Variants in SORCS2 observed in about 807,000 individuals in gnomAD.
The protein encoded by SORCS2 is VPS10 domain-containing receptor SorCS2.
A neutral mutation model predicts 141.6 loss-of-function variants in SORCS2; 100 were observed. The observed-to-expected ratio is 0.71, with a 90% confidence interval of 0.60 to 0.83. SORCS2 has a LOEUF of 0.83. SORCS2 is among the 40% of genes least tolerant of loss of function. The pLI is 0.00. For missense variants in SORCS2, 1,646 were observed against 1,560.2 expected (o/e 1.05, Z -0.93); for synonymous variants, 789 against 676.9 (o/e 1.17, Z -2.57).
At chr4:7,459,859 A>G (rs1729180113) in intron 2 of SORCS2, among the ~76,000 whole-genome samples, 1 of 152,128 alleles carries the variant, frequency 6.6e-6, no homozygotes, top group Admixed American at 6.5e-5. Context: ...CACTTTGGGG[A>G]GAAGTACCCG....
chr4:7,628,810 G>A (rs1719688910), intron 3 of SORCS2, among the ~76,000 whole-genome samples: 1 of 152,210 alleles, frequency 6.6e-6, no homozygotes, highest in African/African-American at 2.4e-5. Context: ...CTAGGGCAGT[G>A]TGGATGCCTA....
Position 7,581,916 on chromosome 4 carries a change from T to A in SORCS2, c.648+50287T>A, listed in dbSNP as rs981021948. On this transcript the variant is annotated intron_variant, in intron 3 of 26. Transcript: ENST00000507866. ...TTAAATTTCTTAATATATCTCCTTC[T>A]TGTCTTTTTCTATATATCTTTATTT... 2.0e-5 allele frequency among the ~76,000 whole-genome samples: 3 copies of A among 152,246 alleles called. No homozygotes were observed. In the East Asian group the frequency reaches 5.8e-4, roughly 29 times the overall value.
At chr4:7,573,474 G>C (rs1715529005) in intron 3 of SORCS2, among the ~76,000 whole-genome samples, 1 of 152,182 alleles carries the variant, frequency 6.6e-6, no homozygotes, top group Non-Finnish European at 1.5e-5. Context: ...CATAAATAGA[G>C]TTCTATTAGT....
intron 2 of SORCS2, chr4:7,433,752 A>G (rs1245919481): frequency 6.2e-7 from 1 of 1,613,394 alleles, no homozygotes; most frequent in East Asian, 2.2e-5. Context: ...CATAGGCATC[A>G]TGGACTGCCC....
At chr4:7,481,605 G>A (rs888626393) in intron 2 of SORCS2, among the ~76,000 whole-genome samples, 7 of 152,140 alleles carry the variant, frequency 4.6e-5, no homozygotes, top group African/African-American at 1.7e-4. Context: ...GGAGTCTGCT[G>A]AGGCTCTGCC....
At chr4:7,290,602 A>AGGAGCATG (rs1489743680) in intron 1 of SORCS2, among the ~76,000 whole-genome samples, 1 of 152,242 alleles carries the variant, frequency 6.6e-6, no homozygotes, top group Non-Finnish European at 1.5e-5. Flanking sequence ...TACTCTGCAA[A>AGGAGCATG]GGAGCATGGA....
intron 3 of SORCS2, among the ~76,000 whole-genome samples, chr4:7,593,729 C>A (rs549334438): frequency 6.6e-6 from 1 of 152,164 alleles, no homozygotes; most frequent in Admixed American, 6.5e-5. Flanking sequence ...GCAGGGGTGC[C>A]GCTTGCCAGC....
At chr4:7,401,669 T>C (rs897345281) in intron 2 of SORCS2, among the ~76,000 whole-genome samples, 13 of 152,112 alleles carry the variant, frequency 8.5e-5, no homozygotes, top group African/African-American at 3.1e-4. Flanking sequence ...AGAGGGACAG[T>C]CCTATAGACC....
At chr4:7,674,627 C>T (rs973004969) in intron 8 of SORCS2, among the ~76,000 whole-genome samples, 10 of 145,570 alleles carry the variant, frequency 6.9e-5, no homozygotes, top group African/African-American at 2.5e-4. Flanking sequence ...CTTTTCTGCA[C>T]AGCCCTTGGG....
intron 3 of SORCS2, among the ~76,000 whole-genome samples, chr4:7,534,737 C>T (rs1342697691): frequency 6.6e-6 from 1 of 152,192 alleles, no homozygotes; most frequent in African/African-American, 2.4e-5. Context: ...GTTGGAAAAG[C>T]CAAGGAAATG....
intron 2 of SORCS2, among the ~76,000 whole-genome samples, chr4:7,521,610 A>T (rs543579909): frequency 1.3e-5 from 2 of 152,154 alleles, no homozygotes; most frequent in African/African-American, 4.8e-5. Flanking sequence ...CTCATCTCAC[A>T]GCACAGACCT....
intron 2 of SORCS2, among the ~76,000 whole-genome samples, chr4:7,491,491 C>T (rs778165905): frequency 6.6e-6 from 1 of 152,346 alleles, no homozygotes; most frequent in South Asian, 2.1e-4. Context: ...CACCAGCACG[C>T]GGCATGGCGT....
intron 3 of SORCS2, among the ~76,000 whole-genome samples, chr4:7,537,423 C>T (rs962857469): frequency 1.1e-4 from 16 of 152,216 alleles, no homozygotes; most frequent in African/African-American, 3.1e-4. Flanking sequence ...GCAGCTTGAA[C>T]GGGGTCTCTA....
intron 1 of SORCS2, among the ~76,000 whole-genome samples, chr4:7,355,270 T>C (rs1037895762): frequency 1.3e-5 from 2 of 152,092 alleles, no homozygotes; most frequent in African/African-American, 4.8e-5. Flanking sequence ...AACCCCTCTG[T>C]GCCCTTCCGG....
chr4:7,239,322 G>C (rs890562507), intron 1 of SORCS2, among the ~76,000 whole-genome samples: 2 of 152,244 alleles, frequency 1.3e-5, no homozygotes, highest in South Asian at 4.1e-4. Flanking sequence ...GGCTGTGGCC[G>C]GGAGGGCCCC....
rs146818752 is a variant in SORCS2, at chr4:7,540,599, C to T, written c.648+8970C>T. ...GTCCCATGGTGCCGAGATGCTTTGG[C>T]GCTGCGCTGCATCCTGCTGCGCAGT... On this transcript the variant is annotated intron_variant, in intron 3 of 26. Coordinates refer to ENST00000507866, the MANE Select transcript of SORCS2 (RefSeq NM_020777.3). Among the ~76,000 whole-genome samples the T allele has an allele frequency of 5.6e-4, 85 of 152,324 alleles. 1 individual carries two copies. The East Asian group carries it at 0.015, about 27-fold the overall frequency.
intron 1 of SORCS2, among the ~76,000 whole-genome samples, chr4:7,309,249 C>T (rs3846427): frequency 0.77 from 116,554 of 152,154 alleles, 46,832 homozygotes; most frequent in Non-Finnish European, 0.89. Context: ...GGCCCTCGGT[C>T]GCCCAGTGAA....
intron 5 of SORCS2, among the ~76,000 whole-genome samples, chr4:7,656,040 C>G (rs1039264611): frequency 6.6e-6 from 1 of 152,228 alleles, no homozygotes; most frequent in Non-Finnish European, 1.5e-5. Context: ...TCTCCTGGAG[C>G]GTGGTGACAG....
chr4:7,521,174 A>G (rs1384413250), intron 2 of SORCS2, among the ~76,000 whole-genome samples: 1 of 152,030 alleles, frequency 6.6e-6, no homozygotes, highest in Admixed American at 6.5e-5. Context: ...TGTCCAGAGC[A>G]TGGTGGGCAA....
Sources: allele counts gnomAD v4.1 joint callset (sites outside exome capture counted in the v4.1 genomes callset), GRCh38; gene constraint gnomAD v4.1.1; transcripts MANE v1.5; gene names NCBI Gene and HGNC (gene_info 2026-07-23, HGNC 2026-07-21).